The following SCHIP1 variants were observed in gnomAD, a reference collection of about 807,000 sequenced individuals.
SCHIP1 encodes the protein schwannomin interacting protein 1.
SCHIP1 carries 8 observed loss-of-function variants against 29.7 expected under a neutral mutation model. The ratio of observed to expected loss-of-function variants is 0.27; its 90% CI spans 0.16 to 0.49. The LOEUF is 0.49. Ranked by LOEUF, SCHIP1 falls within the 20% of genes least tolerant of loss-of-function variation. The probability of loss-of-function intolerance (pLI) is 0.99; values close to 1 mark genes in which losing one functional copy is unlikely to be tolerated. For synonymous variants in SCHIP1, 76 were observed against 94.9 expected (o/e 0.80, Z 1.16); for missense variants, 193 against 294.6 (o/e 0.66, Z 2.52).
At chr3:159,668,376 C>CAAAAAAAAAAAAAAAAAAAAAAAA in the SCHIP1 span, among the ~76,000 whole-genome samples, 21 of 46,394 alleles carry the variant, frequency 4.5e-4, no homozygotes, top group African/African-American at 1.9e-3. Flanking sequence ...GACTCCGTCT[C>CAAAAAAAAAAAAAAAAAAAAAAAA]AAAAAAAAAA....
At chr3:159,702,761 C>T in the SCHIP1 span, among the ~76,000 whole-genome samples, 3 of 152,156 alleles carry the variant, frequency 2.0e-5, no homozygotes, top group Non-Finnish European at 4.4e-5. Flanking sequence ...TGTACTCATG[C>T]ACTTAATTTT....
chr3:159,736,981 A>G, the SCHIP1 span, among the ~76,000 whole-genome samples: 34 of 151,554 alleles, frequency 2.2e-4, no homozygotes, highest in African/African-American at 5.1e-4. Context: ...TGATCCGCCC[A>G]CCTCGGCCTC....
intron 6 of SCHIP1, chr3:159,894,575 T>C (rs1717871396): frequency 6.6e-6 from 1 of 152,396 alleles, no homozygotes; most frequent in African/African-American, 2.4e-5. Flanking sequence ...GTGTTTTATT[T>C]GTCTGCTGTC....
intron 2 of SCHIP1, among the ~76,000 whole-genome samples, chr3:159,871,562 A>G (rs1715289195): frequency 6.6e-6 from 1 of 152,198 alleles, no homozygotes; most frequent in South Asian, 2.1e-4. Flanking sequence ...ACTTCACTAT[A>G]GAATGGCTGA....
chr3:159,385,664 T>G, the SCHIP1 span, among the ~76,000 whole-genome samples: 5 of 152,018 alleles, frequency 3.3e-5, no homozygotes, highest in African/African-American at 4.8e-5. Context: ...AATGAAACAC[T>G]TGTTCAAAAA....
the SCHIP1 span, among the ~76,000 whole-genome samples, chr3:159,309,447 C>G: frequency 2.0e-5 from 3 of 152,086 alleles, no homozygotes; most frequent in African/African-American, 7.2e-5. Context: ...TGAGAATCTG[C>G]CACCGTTCAC....
chr3:159,406,805 G>A, the SCHIP1 span, among the ~76,000 whole-genome samples: 237 of 152,192 alleles, frequency 1.6e-3, 1 homozygote, highest in Middle Eastern at 0.01. Flanking sequence ...GTTTGTTTAC[G>A]CAGTGTTAAG....
chr3:159,496,185 T>C, the SCHIP1 span, among the ~76,000 whole-genome samples: 25 of 152,316 alleles, frequency 1.6e-4, no homozygotes, highest in African/African-American at 5.8e-4. Flanking sequence ...ATTCAGGACA[T>C]AGGCATGGGC....
At chr3:159,611,190 T>C in the SCHIP1 span, among the ~76,000 whole-genome samples, 3 of 151,516 alleles carry the variant, frequency 2.0e-5, no homozygotes, top group African/African-American at 7.3e-5. Flanking sequence ...CATGAACTTC[T>C]AGAAAATTAA....
the SCHIP1 span, among the ~76,000 whole-genome samples, chr3:159,353,237 C>T: frequency 6.6e-6 from 1 of 152,060 alleles, no homozygotes; most frequent in East Asian, 1.9e-4. Context: ...GGGTGCAGCA[C>T]ACCAACATGG....
At chr3:159,697,986 C>T in the SCHIP1 span, among the ~76,000 whole-genome samples, 1 of 152,110 alleles carries the variant, frequency 6.6e-6, no homozygotes, top group Non-Finnish European at 1.5e-5. Context: ...AAAGAAAAAC[C>T]AAAAATGAGC....
At chr3:159,292,343 A>G in the SCHIP1 span, among the ~76,000 whole-genome samples, 264 of 152,264 alleles carry the variant, frequency 1.7e-3, no homozygotes, top group Admixed American at 2.7e-3. Flanking sequence ...TATATTTAAA[A>G]TTTTTCAGAG....
chr3:159,410,535 C>A, the SCHIP1 span, among the ~76,000 whole-genome samples: 1 of 152,090 alleles, frequency 6.6e-6, no homozygotes. Context: ...AAGTGCTCAA[C>A]ATCACTGATC....
At chr3:159,313,333 C>T in the SCHIP1 span, among the ~76,000 whole-genome samples, 17 of 152,156 alleles carry the variant, frequency 1.1e-4, no homozygotes, top group African/African-American at 3.9e-4. Context: ...TGGTCTGTGC[C>T]TCCCTAAACT....
the SCHIP1 span, among the ~76,000 whole-genome samples, chr3:159,690,849 A>G: frequency 6.6e-6 from 1 of 152,082 alleles, no homozygotes. Context: ...TAATTTCATT[A>G]TTTACCCAGT....
chr3:159,393,090 T>C, the SCHIP1 span, among the ~76,000 whole-genome samples: 2 of 152,254 alleles, frequency 1.3e-5, no homozygotes, highest in African/African-American at 4.8e-5. Context: ...TTCATGTGTC[T>C]TTTGGCTGCA....
chr3:159,366,009 G>A, the SCHIP1 span, among the ~76,000 whole-genome samples: 1 of 144,096 alleles, frequency 6.9e-6, no homozygotes, highest in South Asian at 2.4e-4. Context: ...CCAAGACAGG[G>A]TTGTTGTTTA....
the SCHIP1 span, among the ~76,000 whole-genome samples, chr3:159,303,495 G>A: frequency 6.6e-6 from 1 of 150,864 alleles, no homozygotes; most frequent in Non-Finnish European, 1.5e-5. Context: ...AGAAAGAAAA[G>A]AATAGAGAGG....
At chr3:159,790,136 G>A in the SCHIP1 span, among the ~76,000 whole-genome samples, 1 of 152,304 alleles carries the variant, frequency 6.6e-6, no homozygotes, top group Non-Finnish European at 1.5e-5. Flanking sequence ...GAAAGCTTTG[G>A]TATTTACTGG....
Sources: gnomAD v4.1 joint callset for allele counts (sites outside exome capture counted in the v4.1 genomes callset) on GRCh38, gnomAD v4.1.1 for gene constraint, MANE v1.5 for transcripts, NCBI Gene and HGNC (gene_info 2026-07-23, HGNC 2026-07-21) for gene names.